The following CDH23 variants were observed in gnomAD, a reference collection of about 807,000 sequenced individuals.
The protein encoded by CDH23 is cadherin-23.
CDH23 carries 189 observed loss-of-function variants against 317.1 expected under a neutral mutation model. The observed-to-expected ratio is 0.60, with a 90% CI of 0.53 to 0.67. The LOEUF (loss-of-function observed/expected upper bound fraction) is 0.67, where lower values mean the gene tolerates loss of function less well. Ranked by LOEUF, CDH23 falls within the 30% of genes least tolerant of loss-of-function variation. The pLI, the probability that CDH23 is intolerant of heterozygous loss-of-function variation, is 0.00. For synonymous variants in CDH23, 1,839 were observed against 1,876.8 expected, an observed-to-expected ratio of 0.98 and a Z score of 0.52; for missense variants, 4,401 against 4,592.4, an observed-to-expected ratio of 0.96 and a Z score of 1.20.
chr10:71,543,232 G>T (rs963990775), intron 6 of CDH23, among the ~76,000 whole-genome samples: 1 of 152,182 alleles, frequency 6.6e-6, no homozygotes, highest in African/African-American at 2.4e-5. Flanking sequence ...TCTGGAGCAG[G>T]GCTTTCACTT....
intron 38 of CDH23, among the ~76,000 whole-genome samples, chr10:71,759,071 C>G (rs1840223082): frequency 6.6e-6 from 1 of 150,976 alleles, no homozygotes; most frequent in Non-Finnish European, 1.5e-5. Flanking sequence ...TGGAGTCTTG[C>G]TCTATCAGCA....
intron 9 of CDH23, among the ~76,000 whole-genome samples, chr10:71,607,100 G>A (rs7090238): frequency 0.99 from 151,398 of 152,356 alleles, 75,223 homozygotes; most frequent in East Asian, 1. Flanking sequence ...TCTTGCTCAA[G>A]GCCCATATCT....
intron 31 of CDH23, 88 bp downstream of exon 31, chr10:71,730,692 C>T: frequency 6.4e-7 from 1 of 1,554,924 alleles, no homozygotes; most frequent in East Asian, 2.3e-5. Context: ...ACGGTCATCC[C>T]TGATGCTTCA....
chr10:71,510,157 C>A lies in CDH23; in HGVS notation c.221C>A (p.Ala74Asp), dbSNP rs114135543. Residue 74 changes from alanine (A) to aspartate (D), a missense_variant, in exon 4 of 70, where the codon GCC (alanine) becomes GAC (aspartate). Coordinates refer to ENST00000224721, the MANE Select transcript of CDH23 (RefSeq NM_022124.6). ...GTGTTTGGCGTGTCTGGGGAGGAGG[C>A]CTCTCGCTTCTTTGCAGTGGAGCCT... ...PLVFGVSGEEASRFFAVEPDT... is the reference protein window; with the variant it reads ...PLVFGVSGEEDSRFFAVEPDT... 6.2e-7 allele frequency: 1 copy of A among 1,613,988 alleles called. No homozygotes were observed. The highest frequency in any genetic ancestry group is 1.3e-5 in the African/African-American group (1 of 75,050).
At position 71,783,798 on chromosome 10, in the gene CDH23, G is replaced by A. The variant is rs370202180; in HGVS notation, c.5369-489G>A. ...CCCCTTCTGCCTGCCCGGTGCCTGC[G>A]CATTCACCATTAGCAAAGCATTGCT... On this transcript the variant is annotated intron_variant, in intron 41 of 69. Transcript: ENST00000224721. 1.7e-4 allele frequency among the ~76,000 whole-genome samples: 26 copies of A among 152,342 alleles called. No homozygotes were observed. In the East Asian group the frequency reaches 3.9e-3, roughly 23 times the overall value.
At chr10:71,724,485 G>A (rs1866718994) in intron 29 of CDH23, among the ~76,000 whole-genome samples, 2 of 152,170 alleles carry the variant, frequency 1.3e-5, no homozygotes, top group South Asian at 2.1e-4. Flanking sequence ...TGTGCTTTTA[G>A]TAGAGACAGG....
chr10:71,507,619 C>T (rs932558702), intron 3 of CDH23, among the ~76,000 whole-genome samples: 12 of 152,112 alleles, frequency 7.9e-5, no homozygotes, highest in Admixed American at 1.3e-4. Context: ...CTTGAACCTG[C>T]GAGGTGGAGG....
At chr10:71,690,446 C>G in intron 19 of CDH23, 22 bp from the exon 20 acceptor site, 1 of 1,553,448 alleles carries the variant, frequency 6.4e-7, no homozygotes, top group Non-Finnish European at 8.8e-7. Context: ...CACCCCCTGC[C>G]CCCACCTTTT....
At chr10:71,718,873 CCTGG>C (rs1198523414) in intron 28 of CDH23, among the ~76,000 whole-genome samples, 1 of 151,690 alleles carries the variant, frequency 6.6e-6, no homozygotes, top group Non-Finnish European at 1.5e-5. Flanking sequence ...TTGAGAACAG[CCTGG>C]GCAACATAGT....
intron 6 of CDH23, among the ~76,000 whole-genome samples, chr10:71,546,528 G>T (rs531958330): frequency 1.3e-5 from 2 of 152,342 alleles, no homozygotes; most frequent in Admixed American, 1.3e-4. Context: ...GGGAATTAGG[G>T]AGGGCTTTCC....
chr10:71,450,534 C>A (rs1226364123), intron 3 of CDH23, among the ~76,000 whole-genome samples: 3 of 152,194 alleles, frequency 2.0e-5, no homozygotes, highest in Non-Finnish European at 4.4e-5. Context: ...TCCCAAAGTG[C>A]TAGGATTACA....
intron 41 of CDH23, among the ~76,000 whole-genome samples, chr10:71,783,001 G>C (rs750794016): frequency 6.6e-6 from 1 of 152,170 alleles, no homozygotes; most frequent in African/African-American, 2.4e-5. Flanking sequence ...AAAACTGTGG[G>C]GGCGCCTGGG....
chr10:71,751,404 C>T lies in CDH23; in HGVS notation c.4845+9483C>T. 1 of 525,686 alleles carries T rather than the reference C, an allele frequency of 1.9e-6. No individual in the cohort carries two copies. The highest frequency in any genetic ancestry group is 3.7e-5 in the Admixed American group (1 of 27,276). The allele number at this position is 525,686 out of a possible 1,614,324, so 32.6% of individuals were successfully genotyped here. On this transcript the variant is annotated intron_variant, in intron 38 of 69. Transcript: ENST00000224721. This position sits in a 1 kb window ranked among gnomAD's most constrained non-coding sequence, Gnocchi z 4.9. ...GGTGAATGGGGGCCCCTCTGTCCCTCACCCTCAACCCCACCCCGTGAGGCC... is the reference window on the plus strand; with the variant it reads ...GGTGAATGGGGGCCCCTCTGTCCCTTACCCTCAACCCCACCCCGTGAGGCC...
chr10:71,723,165 A>G (rs1026228543), intron 28 of CDH23, among the ~76,000 whole-genome samples: 1 of 152,196 alleles, frequency 6.6e-6, no homozygotes, highest in Admixed American at 6.5e-5. Context: ...GGCCTTACAA[A>G]GCAATTCACC....
intron 11 of CDH23, among the ~76,000 whole-genome samples, chr10:71,618,643 A>G (rs903562533): frequency 2.0e-5 from 3 of 151,980 alleles, no homozygotes; most frequent in African/African-American, 7.3e-5. Context: ...GGCTTCCTCC[A>G]CCGTCCTCGG....
chr10:71,422,818 A>C (rs137925888), intron 1 of CDH23, among the ~76,000 whole-genome samples: 100 of 152,214 alleles, frequency 6.6e-4, no homozygotes, highest in South Asian at 2.1e-3. Flanking sequence ...CATGGGTGGG[A>C]AAGTTGAGGC....
At chr10:71,708,764 C>A (rs1413521459) in intron 26 of CDH23, among the ~76,000 whole-genome samples, 1 of 152,232 alleles carries the variant, frequency 6.6e-6, no homozygotes, top group African/African-American at 2.4e-5. Context: ...AGCCCAGGGA[C>A]CCACGCATGG....
chr10:71,506,651 G>A (rs539708608), intron 3 of CDH23, among the ~76,000 whole-genome samples: 1 of 152,118 alleles, frequency 6.6e-6, no homozygotes, highest in African/African-American at 2.4e-5. Flanking sequence ...AACAAGCCTT[G>A]CTTCCCGGAG....
At chr10:71,459,085 C>CTTTTTT (rs372627407) in intron 3 of CDH23, among the ~76,000 whole-genome samples, 28,368 of 101,696 alleles carry the variant, frequency 0.28, 4,583 homozygotes, top group Non-Finnish European at 0.39. Context: ...CACACCTGGC[C>CTTTTTT]TTTTTTTTTT....
Sources: gnomAD v4.1 joint callset for allele counts (sites outside exome capture counted in the v4.1 genomes callset) on GRCh38, gnomAD v4.1.1 for gene constraint, Gnocchi (gnomAD v3.1) non-coding constraint, MANE v1.5 for transcripts, NCBI Gene and HGNC (gene_info 2026-07-23, HGNC 2026-07-21) for gene names.